The following LONP1 variants were observed in gnomAD, a reference collection of about 807,000 sequenced individuals.
LONP1 encodes the protein lon protease homolog, mitochondrial.
A neutral mutation model predicts 98.5 loss-of-function variants in LONP1; 31 were observed. The observed-to-expected ratio is 0.31, with a 90% CI of 0.24 to 0.42. LONP1 has a LOEUF of 0.42. Among genes scored for constraint, LONP1 ranks in the 20% least tolerant of loss-of-function variants. The pLI is 1.00. For missense variants in LONP1, 1,336 were observed against 1,350.6 expected (o/e 0.99, Z 0.17); for synonymous variants, 781 against 594.7 (o/e 1.31, Z -4.56).
upstream of LONP1, chr19:5,720,440 T>G (rs2055427932): frequency 1.7e-6 from 1 of 588,768 alleles, no homozygotes; most frequent in Non-Finnish European, 3.0e-6. Context: ...ATGAGCAGCC[T>G]GTGCACATGC....
intron 4 of LONP1, among the ~76,000 whole-genome samples, chr19:5,709,295 C>G (rs1323371675): frequency 6.6e-6 from 1 of 151,764 alleles, no homozygotes; most frequent in East Asian, 1.9e-4. Flanking sequence ...TCAAGACCAG[C>G]CTGGCCAACA....
At chr19:5,696,505 T>G in intron 11 of LONP1, 134 bp from the exon 12 acceptor site, 4 of 1,351,252 alleles carry the variant, frequency 3.0e-6, no homozygotes, top group Non-Finnish European at 4.1e-6. Context: ...ACGGGCAGCC[T>G]GCTGGGCGTG....
At chr19:5,711,039 A>T (rs924082763) in intron 4 of LONP1, among the ~76,000 whole-genome samples, 26 of 127,722 alleles carry the variant, frequency 2.0e-4, no homozygotes, top group African/African-American at 1.0e-3. Flanking sequence ...AAAAAGAAAG[A>T]AAAAAAAAAA....
chr19:5,699,555 G>GTTTTT (rs35759031), intron 9 of LONP1, among the ~76,000 whole-genome samples: 3 of 118,536 alleles, frequency 2.5e-5, no homozygotes, highest in Non-Finnish European at 5.2e-5. Context: ...TCTGGCTCCT[G>GTTTTT]TTTTTTTTTT....
At chr19:5,712,323 A>G in intron 3 of LONP1, 1 of 311,144 alleles carries the variant, frequency 3.2e-6, no homozygotes, top group Non-Finnish European at 6.0e-6. Context: ...AAACGGTGTC[A>G]GCCTGGCCGG....
chr19:5,706,447 A>G (rs2055146688), intron 7 of LONP1, among the ~76,000 whole-genome samples: 1 of 152,040 alleles, frequency 6.6e-6, no homozygotes, highest in Non-Finnish European at 1.5e-5. Context: ...TGTCTCTACT[A>G]AAATACAAAA....
At chr19:5,699,427 T>G (rs1481071514) in intron 9 of LONP1, among the ~76,000 whole-genome samples, 1 of 152,044 alleles carries the variant, frequency 6.6e-6, no homozygotes, top group African/African-American at 2.4e-5. Flanking sequence ...GACAACTAGG[T>G]GCTAGGAGAC....
Position 5,699,148 on chromosome 19 carries a change from A to T in LONP1, c.1564T>A (p.Tyr522Asn). 6.4e-7 allele frequency: 1 copy of T among 1,556,798 alleles called. No individual in the cohort carries two copies. Among genetic ancestry groups the T allele is most frequent in the Non-Finnish European group, 8.7e-7 (1 of 1,144,316 alleles). ...GSTQGKILCF[Y>N]GPPGVGKTSI... ...GTCTTACCCACGCCAGGGGGGCCAT[A>T]GAAGCAGAGGATCTTGCCCTGGGTG... is the stretch of plus-strand genomic sequence containing the variant. The change falls in exon 10 of 18, where the codon TAT becomes AAT. Residue 522 changes from tyrosine (Y) to asparagine (N), a missense_variant. Tyr to Asn is a moderately radical substitution (Grantham distance 143, BLOSUM62 -2). Around this residue, in one of 5 missense-constraint regions of LONP1, gnomAD observed 219 missense variants for 241.0 expected, o/e 0.91. Coordinates refer to ENST00000360614, the MANE Select transcript of LONP1 (RefSeq NM_004793.4).
upstream of LONP1, chr19:5,720,162 T>C (rs2055416922): frequency 2.2e-6 from 3 of 1,385,938 alleles, no homozygotes; most frequent in Non-Finnish European, 2.8e-6. Context: ...CTCACACAAC[T>C]CGCGTCATTT....
intron 1 of LONP1, among the ~76,000 whole-genome samples, chr19:5,715,676 A>AAAAAAAG (rs2055307216): frequency 7.6e-6 from 1 of 132,130 alleles, no homozygotes; most frequent in African/African-American, 2.8e-5. Context: ...AAAAAAAAAA[A>AAAAAAAG]AAAGAAAGTT....
At chr19:5,704,237 G>C (rs1242148930) in intron 8 of LONP1, among the ~76,000 whole-genome samples, 1 of 152,204 alleles carries the variant, frequency 6.6e-6, no homozygotes, top group East Asian at 1.9e-4. Flanking sequence ...GGCAGGAAAC[G>C]GATTCTCCTC....
At chr19:5,708,468 G>GGGCA in intron 4 of LONP1, 65 bp from the exon 5 acceptor site, 3 of 551,266 alleles carry the variant, frequency 5.4e-6, no homozygotes, top group East Asian at 9.5e-5. Flanking sequence ...GGCTGGGTGG[G>GGGCA]AGCATGGCCC....
At chr19:5,697,561 G>A (rs1452517718) in intron 10 of LONP1, among the ~76,000 whole-genome samples, 3 of 134,610 alleles carry the variant, frequency 2.2e-5, no homozygotes, top group Non-Finnish European at 4.8e-5. Flanking sequence ...GAGAGGGAAG[G>A]GGGTAGAGGG....
chr19:5,717,231 G>A (rs975757053), intron 1 of LONP1: 1 of 152,212 alleles, frequency 6.6e-6, no homozygotes, highest in African/African-American at 2.4e-5. Flanking sequence ...AAGTTGGCCA[G>A]ACAAGTCAAG....
At chr19:5,712,481 C>G (rs1470004510) in intron 3 of LONP1, 1 of 180,604 alleles carries the variant, frequency 5.5e-6, no homozygotes, top group East Asian at 1.5e-4. Flanking sequence ...CTCACGCTGT[C>G]TGCGTCTCCC....
chr19:5,708,002 G>T, intron 5 of LONP1, 176 bp from the exon 6 acceptor site: 1 of 734,256 alleles, frequency 1.4e-6, no homozygotes, highest in Non-Finnish European at 2.2e-6. Context: ...GGGCCCACCC[G>T]TCCTGGGCTG....
In LONP1 at chr19:5,694,249, G is replaced by A. The variant is rs1364763067; in HGVS notation, c.2320+138C>T. The A allele has an allele frequency of 2.6e-6, 3 of 1,138,148 alleles. No individual in the cohort carries two copies. In the African/African-American group the frequency reaches 4.6e-5, roughly 18 times the overall value. The allele number at this position is 1,138,148 out of a possible 1,614,324, so 70.5% of individuals were successfully genotyped here. A position where few individuals can be genotyped will look rare whatever the true frequency, so the allele number is the denominator to read the frequency against. On this transcript the variant is annotated intron_variant, in intron 15 of 17. Transcript: ENST00000360614. The stretch of plus-strand genomic sequence containing the variant: ...CCCTCCCTCAGCCCAGACCCCCTGG[G>A]CTCCCAGCACACCACCCCCCGCCAG...
At chr19:5,698,906 G>A in intron 10 of LONP1, 121 bp downstream of exon 10, 1 of 1,034,960 alleles carries the variant, frequency 9.7e-7, no homozygotes, top group Non-Finnish European at 1.3e-6. Context: ...TCCAGCATGA[G>A]TGGAATCGGT....
At chr19:5,705,357 C>A (rs2055127325) in intron 8 of LONP1, among the ~76,000 whole-genome samples, 1 of 150,042 alleles carries the variant, frequency 6.7e-6, no homozygotes, top group Non-Finnish European at 1.5e-5. Flanking sequence ...ACTTGGGGGA[C>A]TGAAGCAGGA....
Sources: allele counts gnomAD v4.1 joint callset (sites outside exome capture counted in the v4.1 genomes callset), GRCh38; gene constraint gnomAD v4.1.1; regional missense constraint gnomAD v4.1.1; transcripts MANE v1.5; gene names NCBI Gene and HGNC (gene_info 2026-07-23, HGNC 2026-07-21).